Variants in CEP55 observed in about 807,000 individuals in gnomAD.
CEP55 encodes centrosomal protein of 55 kDa.
In CEP55, 57 loss-of-function variants were observed where a neutral mutation model predicts 63.2. That is an observed-to-expected ratio of 0.90 (90% CI 0.73 to 1.13). The LOEUF is 1.13. Ranked by LOEUF, CEP55 falls within the 50% of genes most tolerant of loss-of-function variation. The pLI, the probability that CEP55 is intolerant of heterozygous loss-of-function variation, is 0.00. For synonymous variants in CEP55, 178 were observed against 191.6 expected, an observed-to-expected ratio of 0.93 and a Z score of 0.59; for missense variants, 456 against 518.9, an observed-to-expected ratio of 0.88 and a Z score of 1.18.
At chr10:93,519,085 T>A (rs1304065589) in intron 7 of CEP55, 137 bp downstream of exon 7, 2 of 567,136 alleles carry the variant, frequency 3.5e-6, no homozygotes, top group African/African-American at 3.8e-5. Context: ...AAAGTCTTTC[T>A]TCTTCAATAA....
At chr10:93,523,813 A>G (rs2057890213) in intron 8 of CEP55, among the ~76,000 whole-genome samples, 1 of 152,212 alleles carries the variant, frequency 6.6e-6, no homozygotes, top group Admixed American at 6.5e-5. Flanking sequence ...CTACATGGAA[A>G]CTGAACAACC....
rs1440449891 is a variant in CEP55, at chr10:93,519,698, T to C, written c.1082T>C (p.Leu361Ser). Reference sequence around the variant, plus strand: ...CTTTTCCAGATGCAGGCATGTACTTTAGACTTTGAAAATGAAAAACTCGAC... The same window carrying C: ...CTTTTCCAGATGCAGGCATGTACTTCAGACTTTGAAAATGAAAAACTCGAC... ...LLEQQMQACT[L>S]DFENEKLDRQ... Residue 361 changes from leucine to serine, a missense_variant, in exon 8 of 9, where the codon TTA (leucine) becomes TCA (serine). Coordinates refer to ENST00000371485, the MANE Select transcript of CEP55 (RefSeq NM_018131.5). 4 of 1,614,204 alleles carry C rather than the reference T, an allele frequency of 2.5e-6. No individual in the cohort carries two copies. In the Middle Eastern group the frequency reaches 4.9e-4, roughly 200 times the overall value.
At chr10:93,515,576 GT>G (rs1239536838) in intron 5 of CEP55, 21 bp downstream of exon 5, 1 of 1,569,264 alleles carries the variant, frequency 6.4e-7, no homozygotes, top group Admixed American at 1.8e-5. Flanking sequence ...GTATAAAAAT[GT>G]TCTCTAGGGA....
Position 93,499,884 on chromosome 10 carries a change from T to C in CEP55, c.-12-156T>C, listed in dbSNP as rs116900816. Among the ~76,000 whole-genome samples the C allele has an allele frequency of 3.7e-3, 568 of 152,112 alleles. 4 individuals carry two copies. The highest frequency in any genetic ancestry group is 6.8e-3 in the Middle Eastern group (2 of 292). ...CTACCACTGAGATTAAAAAAAAAAG[T>C]TACAATACCCCAGAAGCCTCCATCC... is the stretch of plus-strand genomic sequence containing the variant. On this transcript the variant is annotated intron_variant, in intron 1 of 8. Coordinates refer to ENST00000371485, the MANE Select transcript of CEP55 (RefSeq NM_018131.5).
At chr10:93,505,862 T>A (rs111328906) in intron 3 of CEP55, among the ~76,000 whole-genome samples, 7 of 151,364 alleles carry the variant, frequency 4.6e-5, no homozygotes, top group African/African-American at 7.3e-5. Context: ...TTTTTTTTTT[T>A]AGATAGAATC....
At chr10:93,525,060 A>G (rs1049053549) in intron 8 of CEP55, among the ~76,000 whole-genome samples, 4 of 151,312 alleles carry the variant, frequency 2.6e-5, no homozygotes, top group Admixed American at 1.3e-4. Flanking sequence ...CACCACTCCT[A>G]TTCAACATAG....
intron 4 of CEP55, among the ~76,000 whole-genome samples, chr10:93,512,608 A>C (rs10882255): frequency 0.46 from 70,621 of 151,930 alleles, 18,216 homozygotes; most frequent in South Asian, 0.58. Context: ...CAAATGTAAA[A>C]TTTAGTATAA....
intron 8 of CEP55, among the ~76,000 whole-genome samples, chr10:93,525,797 C>T (rs10882261): frequency 1 from 151,852 of 151,984 alleles, 75,861 homozygotes; most frequent in Middle Eastern, 1. Flanking sequence ...TCTACAACTA[C>T]CTGATCTTTG....
intron 1 of CEP55, among the ~76,000 whole-genome samples, chr10:93,498,142 CAA>C (rs59748994): frequency 7.3e-6 from 1 of 136,756 alleles, no homozygotes. Flanking sequence ...CCGCCCCCGC[CAA>C]AAAAAAAAAG....
chr10:93,509,053 T>C (rs551772118), intron 4 of CEP55, among the ~76,000 whole-genome samples: 3 of 152,334 alleles, frequency 2.0e-5, no homozygotes, highest in Admixed American at 6.5e-5. Context: ...ATTTTACTGG[T>C]GTCTCTTCTA....
At position 93,500,036 on chromosome 10, in the gene CEP55, AC is replaced by A; in HGVS notation, c.-12-3del. 1 of 1,573,280 alleles carries A rather than the reference AC, an allele frequency of 6.4e-7. No homozygotes were observed. Among genetic ancestry groups the A allele is most frequent in the Non-Finnish European group, 8.6e-7 (1 of 1,160,874 alleles). ...AATTATACAGTTGATTTTTATTTTT[AC>A]AGACCATTTCAGAGATGTCTTCCAG... On this transcript the variant is annotated splice_polypyrimidine_tract_variant and splice_region_variant and intron_variant, in intron 1 of 8. Transcript: ENST00000371485.
At position 93,515,447 on chromosome 10, in the gene CEP55, C is replaced by T. The variant is rs764380582; in HGVS notation, c.571C>T (p.Arg191Trp). ...NQQWLVYDQQ[R>W]EVYVKGLLAK... The stretch of plus-strand genomic sequence containing the variant: ...GCAGTGGCTCGTGTATGATCAGCAG[C>T]GGGAAGTCTATGTAAAAGGACTTTT... The change falls in exon 5 of 9, where the codon CGG (arginine) becomes TGG (tryptophan). Residue 191 changes from arginine (R) to tryptophan (W), a missense_variant. Transcript: ENST00000371485. 11 of 1,612,640 alleles carry T rather than the reference C, an allele frequency of 6.8e-6. No individual in the cohort carries two copies. The highest frequency in any genetic ancestry group is 1.3e-5 in the African/African-American group (1 of 74,840).
chr10:93,518,953 T>A lies in CEP55; in HGVS notation c.1065+5T>A. The A allele has an allele frequency of 6.2e-7, 1 of 1,609,794 alleles. No homozygotes were observed. Among genetic ancestry groups the A allele is most frequent in the Non-Finnish European group, 8.5e-7 (1 of 1,176,028 alleles). Reference sequence around the variant, plus strand: ...GTAGCTCTGTTGGAACAACAGGTACTCATTCGGGTTGCTTCTAAATTCAAT... The same window carrying A: ...GTAGCTCTGTTGGAACAACAGGTACACATTCGGGTTGCTTCTAAATTCAAT... On this transcript the variant is annotated splice_donor_5th_base_variant and intron_variant, in intron 7 of 8. Transcript: ENST00000371485.
intron 3 of CEP55, among the ~76,000 whole-genome samples, chr10:93,503,644 T>C (rs2057657535): frequency 6.6e-6 from 1 of 152,216 alleles, no homozygotes; most frequent in South Asian, 2.1e-4. Context: ...ATCTACTGTG[T>C]ATTTACAATT....
Position 93,515,547 on chromosome 10 carries a change from A to G in CEP55, c.671A>G (p.Glu224Gly), listed in dbSNP as rs992624871. 2 of 1,612,784 alleles carry G rather than the reference A, an allele frequency of 1.2e-6. No homozygotes were observed. The highest frequency in any genetic ancestry group is 1.3e-5 in the African/African-American group (1 of 74,892). The change falls in exon 5 of 9, where the codon GAA (glutamate) becomes GGA (glycine). Residue 224 changes from glutamate (E) to glycine (G), a missense_variant. Transcript: ENST00000371485. ...CTCCCACAGCAGACAAAAAAGCCTGAATCAGAAGGTACTGACTGGTATAAA... is the reference window on the plus strand; with the variant it reads ...CTCCCACAGCAGACAAAAAAGCCTGGATCAGAAGGTACTGACTGGTATAAA... ...HSLPQQTKKP[E>G]SEGYLQEEKQ...
At chr10:93,500,008 C>T in intron 1 of CEP55, 32 bp from the exon 2 acceptor site, 2 of 1,439,100 alleles carry the variant, frequency 1.4e-6, no homozygotes, top group Non-Finnish European at 1.9e-6. Flanking sequence ...TTTTTAAACT[C>T]AGAATTATAC....
At position 93,497,195 on chromosome 10, in the gene CEP55, T is replaced by G. The variant is rs538141297; in HGVS notation, c.-13+272T>G. Among the ~76,000 whole-genome samples the G allele has an allele frequency of 4.6e-5, 7 of 152,376 alleles. No individual in the cohort carries two copies. The East Asian group carries it at 1.3e-3, about 29-fold the overall frequency. ...TTGAGGCCTTGTACCATTTACTGGATGGAAGCGCTTGTTTGGTCACCTGTC... is the reference window on the plus strand; with the variant it reads ...TTGAGGCCTTGTACCATTTACTGGAGGGAAGCGCTTGTTTGGTCACCTGTC... On this transcript the variant is annotated intron_variant, in intron 1 of 8. Transcript: ENST00000371485.
At chr10:93,522,117 C>T (rs898778393) in intron 8 of CEP55, among the ~76,000 whole-genome samples, 2 of 152,196 alleles carry the variant, frequency 1.3e-5, no homozygotes, top group African/African-American at 4.8e-5. Context: ...GAGAAGAAGG[C>T]TTCAGATGAT....
chr10:93,513,378 T>C (rs2057771007), intron 4 of CEP55, among the ~76,000 whole-genome samples: 1 of 152,240 alleles, frequency 6.6e-6, no homozygotes, highest in East Asian at 1.9e-4. Context: ...AGAAACTCTC[T>C]AGACTTAATA....
Sources: allele counts gnomAD v4.1 joint callset (sites outside exome capture counted in the v4.1 genomes callset), GRCh38; gene constraint gnomAD v4.1.1; transcripts MANE v1.5; gene names NCBI Gene and HGNC (gene_info 2026-07-23, HGNC 2026-07-21).